Variants in BCAS3 observed in about 807,000 individuals in gnomAD.
BCAS3 encodes the protein BCAS3 microtubule associated cell migration factor, also known as BCAS4/BCAS3 fusion.
BCAS3 carries 53 observed loss-of-function variants against 116.1 expected under a neutral mutation model. The observed-to-expected ratio is 0.46, with a 90% CI of 0.37 to 0.57. The LOEUF (loss-of-function observed/expected upper bound fraction) is 0.57. BCAS3 is among the 20% of genes least tolerant of loss of function. BCAS3 has a pLI of 0.00. For synonymous variants in BCAS3, 391 were observed against 408.2 expected, an observed-to-expected ratio of 0.96 and a Z score of 0.51; for missense variants, 917 against 1,165.4, an observed-to-expected ratio of 0.79 and a Z score of 3.10.
intron 9 of BCAS3, among the ~76,000 whole-genome samples, chr17:60,875,205 T>C (rs1245899152): frequency 6.6e-6 from 1 of 152,160 alleles, no homozygotes; most frequent in African/African-American, 2.4e-5. Context: ...AAATCTTCAA[T>C]ACTGTTAAAT....
rs371178241 is a variant in BCAS3 at position 61,285,231 on chromosome 17, T to TTGTGTGTG, written c.2426-83076_2426-83069dup. ...GTTTTGCTTTTCCCCTCCTCCTAGG[T>TTGTGTGTG]TGTGTGTGTGTGTGTGTGTGTGTGT... On this transcript the variant is annotated intron_variant, in intron 22 of 23. Transcript: ENST00000407086. This position sits in a 1 kb window ranked among gnomAD's most constrained non-coding sequence, Gnocchi z 5.4. Among the ~76,000 whole-genome samples, 245 of 140,090 alleles carry TTGTGTGTG rather than the reference T, an allele frequency of 1.7e-3. 1 individual carries two copies. Among genetic ancestry groups the TTGTGTGTG allele is most frequent in the Non-Finnish European group, 2.1e-3 (143 of 66,730 alleles). 91.9% of individuals were successfully genotyped at this position (140,090 alleles called of 152,430 possible).
chr17:60,770,376 G>A (rs1225852315), intron 6 of BCAS3, among the ~76,000 whole-genome samples: 27 of 136,870 alleles, frequency 2.0e-4, no homozygotes, highest in Non-Finnish European at 3.7e-4. Flanking sequence ...CCTTGCCATC[G>A]CCTCTCTCAT....
intron 5 of BCAS3, chr17:60,727,064 A>G (rs897747637): frequency 7.5e-6 from 2 of 267,040 alleles, no homozygotes; most frequent in Non-Finnish European, 1.4e-5. Context: ...AAAATTATTT[A>G]TTTATTTTTT....
chr17:60,976,281 G>A (rs1006628575), intron 14 of BCAS3, among the ~76,000 whole-genome samples: 6 of 151,420 alleles, frequency 4.0e-5, no homozygotes, highest in African/African-American at 1.4e-4. Flanking sequence ...GCCTCGGCCT[G>A]CCAAAGTGCT....
Position 61,363,129 on chromosome 17 carries a change from G to A in BCAS3, c.2426-5198G>A, listed in dbSNP as rs918478913. 3.3e-5 allele frequency among the ~76,000 whole-genome samples: 5 copies of A among 152,142 alleles called. No homozygotes were observed. Among genetic ancestry groups the A allele is most frequent in the Non-Finnish European group, 7.3e-5 (5 of 68,036 alleles). On this transcript the variant is annotated intron_variant, in intron 22 of 23. Coordinates refer to ENST00000407086, the MANE Select transcript of BCAS3 (RefSeq NM_017679.5). The surrounding 1 kb of genome is among the most constrained non-coding windows in gnomAD (Gnocchi z 4.9). The stretch of plus-strand genomic sequence containing the variant: ...TCATGTGAACAGTGTAAGGCAGTAC[G>A]GAAATAAGGCCACAGGAATGATCTA...
At position 61,082,997 on chromosome 17, in the gene BCAS3, T is replaced by G. The variant is rs954313249; in HGVS notation, c.2328-1470T>G. ...ATCTGTCCCATGTTTCTTATCAACT[T>G]TTTATCTTCCATCAATAGCCTTTAT... is the stretch of plus-strand genomic sequence containing the variant. On this transcript the variant is annotated intron_variant, in intron 21 of 23. Coordinates refer to ENST00000407086, the MANE Select transcript of BCAS3 (RefSeq NM_017679.5). This position sits in a 1 kb window ranked among gnomAD's most constrained non-coding sequence, Gnocchi z 5.1. Among the ~76,000 whole-genome samples the G allele has an allele frequency of 6.6e-6, 1 of 152,208 alleles. No homozygotes were observed. Among genetic ancestry groups the G allele is most frequent in the Non-Finnish European group, 1.5e-5 (1 of 68,028 alleles).
In BCAS3 at chr17:60,717,370, C is replaced by G. The variant is rs564483242; in HGVS notation, c.321+8045C>G. Among the ~76,000 whole-genome samples the G allele has an allele frequency of 7.9e-5, 12 of 152,104 alleles. 1 individual carries two copies. The East Asian group carries it at 1.9e-3, about 24-fold the overall frequency. ...AGCTGGGACTACAGGGATGCGCCAC[C>G]ACGCCTGGGTACTTTTTGTATTTTT... On this transcript the variant is annotated intron_variant, in intron 5 of 23. Transcript: ENST00000407086.
intron 6 of BCAS3, among the ~76,000 whole-genome samples, chr17:60,784,702 A>G (rs1452487034): frequency 1.3e-5 from 2 of 151,332 alleles, no homozygotes; most frequent in African/African-American, 4.9e-5. Context: ...CTTTCAAGTA[A>G]CTGGGATTAC....
At chr17:60,887,088 A>G (rs1254246989) in intron 9 of BCAS3, 2 of 154,800 alleles carry the variant, frequency 1.3e-5, no homozygotes, top group African/African-American at 2.4e-5. Context: ...TGTGCTGGCA[A>G]TCAGCGAGAC....
At position 61,122,420 on chromosome 17, in the gene BCAS3, C is replaced by A. The variant is rs2075834295; in HGVS notation, c.2425+37856C>A. On this transcript the variant is annotated intron_variant, in intron 22 of 23. Transcript: ENST00000407086. This position sits in a 1 kb window ranked among gnomAD's most constrained non-coding sequence, Gnocchi z 4.6. ...AGACACTGGCTTAAATGAAGGTATA[C>A]TGAACTTGGAGATGTCATTTCAGCA... is the stretch of plus-strand genomic sequence containing the variant. 6.6e-6 allele frequency among the ~76,000 whole-genome samples: 1 copy of A among 152,156 alleles called. No homozygotes were observed. The highest frequency in any genetic ancestry group is 2.1e-4 in the South Asian group (1 of 4,828).
chr17:60,957,002 G>T (rs1405081046), intron 14 of BCAS3, among the ~76,000 whole-genome samples: 1 of 152,132 alleles, frequency 6.6e-6, no homozygotes, highest in Non-Finnish European at 1.5e-5. Flanking sequence ...GAATTAAGTT[G>T]TTTTGTGGTC....
intron 22 of BCAS3, among the ~76,000 whole-genome samples, chr17:61,091,596 G>T (rs961575553): frequency 6.6e-6 from 1 of 152,194 alleles, no homozygotes; most frequent in African/African-American, 2.4e-5. Flanking sequence ...AGTAAGCCCA[G>T]TGGGCAATTA....
chr17:60,877,166 A>T (rs2144927139), intron 9 of BCAS3, among the ~76,000 whole-genome samples: 1 of 143,990 alleles, frequency 6.9e-6, no homozygotes, highest in Non-Finnish European at 1.5e-5. Context: ...TGAATATTTT[A>T]AGAAATGATA....
At position 60,947,368 on chromosome 17, in the gene BCAS3, T is replaced by C; in HGVS notation, c.1221+16T>C. 1.2e-6 allele frequency: 2 copies of C among 1,609,348 alleles called. No individual in the cohort carries two copies. Among genetic ancestry groups the C allele is most frequent in the Non-Finnish European group, 1.7e-6 (2 of 1,176,916 alleles). ...TGAAGCCAAAGTAAGCTGTATAATT[T>C]TTCAGAAGGCGATTTCTTGGTGTAA... On this transcript the variant is annotated intron_variant, in intron 14 of 23. Transcript: ENST00000407086.
chr17:60,734,236 C>G (rs1379977854), intron 5 of BCAS3, among the ~76,000 whole-genome samples: 2 of 152,180 alleles, frequency 1.3e-5, no homozygotes, highest in African/African-American at 4.8e-5. Context: ...CTCAAGTGAT[C>G]CTCCTGCTTC....
In BCAS3 at chr17:61,034,094, A is replaced by T. The variant is rs1295176848; in HGVS notation, c.1638-572A>T. Among the ~76,000 whole-genome samples, 2 of 152,324 alleles carry T rather than the reference A, an allele frequency of 1.3e-5. No homozygotes were observed. The highest frequency in any genetic ancestry group is 2.9e-5 in the Non-Finnish European group (2 of 68,030). ...TCAGTGAATATAATTGCATTAGATG[A>T]TTAGCTATTCTTCCCTTGCACTGTC... On this transcript the variant is annotated intron_variant, in intron 16 of 23. Transcript: ENST00000407086. This position sits in a 1 kb window ranked among gnomAD's most constrained non-coding sequence, Gnocchi z 5.0.
chr17:60,971,614 T>A (rs2061965425), intron 14 of BCAS3, among the ~76,000 whole-genome samples: 1 of 152,176 alleles, frequency 6.6e-6, no homozygotes, highest in South Asian at 2.1e-4. Context: ...GAGCCATCAG[T>A]CAATCAGGCC....
intron 16 of BCAS3, chr17:61,027,324 T>G (rs1186183058): frequency 4.5e-6 from 2 of 444,084 alleles, no homozygotes; most frequent in Non-Finnish European, 8.9e-6. Flanking sequence ...CAAAAGCACC[T>G]TATAAAGTTT....
At position 61,346,136 on chromosome 17, in the gene BCAS3, G is replaced by T. The variant is rs2057491934; in HGVS notation, c.2426-22191G>T. 6.6e-6 allele frequency among the ~76,000 whole-genome samples: 1 copy of T among 152,166 alleles called. No homozygotes were observed. The highest frequency in any genetic ancestry group is 6.5e-5 in the Admixed American group (1 of 15,270). ...GTGCCATAATCCTTGTTGAAGTCGAGGAGTTGACTTAGAAGGCCTGCAGAG... is the reference window on the plus strand; with the variant it reads ...GTGCCATAATCCTTGTTGAAGTCGATGAGTTGACTTAGAAGGCCTGCAGAG... On this transcript the variant is annotated intron_variant, in intron 22 of 23. Coordinates refer to ENST00000407086, the MANE Select transcript of BCAS3 (RefSeq NM_017679.5). This position sits in a 1 kb window ranked among gnomAD's most constrained non-coding sequence, Gnocchi z 5.4.
Sources: allele counts gnomAD v4.1 joint callset (sites outside exome capture counted in the v4.1 genomes callset), GRCh38; gene constraint gnomAD v4.1.1; non-coding constraint Gnocchi (gnomAD v3.1); transcripts MANE v1.5; gene names NCBI Gene and HGNC (gene_info 2026-07-23, HGNC 2026-07-21).